Variants in MGAT5B observed in about 807,000 individuals in gnomAD.
MGAT5B encodes the protein alpha-1,6-mannosylglycoprotein 6-beta-N-acetylglucosaminyltransferase B, also known as N-acetylglucosaminyl-transferase Vb.
Under a neutral mutation model 95.1 loss-of-function variants are expected in MGAT5B, and 54 were observed. That is an observed-to-expected ratio of 0.57 (90% CI 0.46 to 0.71). The LOEUF is 0.71. MGAT5B is among the 30% of genes least tolerant of loss of function. The pLI, the probability that MGAT5B is intolerant of heterozygous loss-of-function variation, is 0.00. For synonymous variants in MGAT5B, 464 were observed against 451.0 expected (o/e 1.03, Z -0.36); for missense variants, 935 against 1,088.6 (o/e 0.86, Z 1.99).
Position 76,947,866 on chromosome 17 carries a change from GC to G in MGAT5B, c.1963del (p.His655ThrfsTer55). 6.3e-7 allele frequency: 1 copy of G among 1,594,650 alleles called. No individual in the cohort carries two copies. Among genetic ancestry groups the G allele is most frequent in the Admixed American group, 1.7e-5 (1 of 57,954 alleles). On this transcript the variant is annotated frameshift_variant, in exon 17 of 18. Coordinates refer to ENST00000569840, the MANE Select transcript of MGAT5B (RefSeq NM_001199172.2). LOFTEE classifies it high-confidence loss of function. ...AGCTCCAGACCCTGCCCTACCAGAGGCCCACGCCCCGCAGAGCCCCTTTGTC... is the reference window on the plus strand; with the variant it reads ...AGCTCCAGACCCTGCCCTACCAGAGGCCACGCCCCGCAGAGCCCCTTTGTC... ...CRAPDPALPE[A>X]HAPQSPFVLA... is the part of the protein sequence containing the mutation.
intron 10 of MGAT5B, 61 bp from the exon 11 acceptor site, chr17:76,932,584 A>C: frequency 6.3e-7 from 1 of 1,583,778 alleles, no homozygotes; most frequent in Non-Finnish European, 8.6e-7. Flanking sequence ...CAGTCCAGGG[A>C]GGCCTGGGGC....
rs915707886 is a variant in MGAT5B, at chr17:76,882,353, C to T, written c.329+55C>T. 4 of 1,545,556 alleles carry T rather than the reference C, an allele frequency of 2.6e-6. No individual in the cohort carries two copies. The African/African-American group carries it at 4.0e-5, about 16-fold the overall frequency. On this transcript the variant is annotated intron_variant, in intron 3 of 17. Coordinates refer to ENST00000569840, the MANE Select transcript of MGAT5B (RefSeq NM_001199172.2). ...AGCAGGGGAGCGGTGGCACCTGCCA[C>T]TCCATCCGGGGTGCTGTCCGTCATC... is the stretch of plus-strand genomic sequence containing the variant.
rs1969840989 is a variant in MGAT5B, at chr17:76,940,780, G to A, written c.1780G>A (p.Val594Met). Reference sequence around the variant, plus strand: ...GGAGAACTTCATCGGCAAGCCCCACGTGTGGACAGTCGACTACAACAACTC... The same window carrying A: ...GGAGAACTTCATCGGCAAGCCCCACATGTGGACAGTCGACTACAACAACTC... The part of the protein sequence containing the change: ...YAENFIGKPH[V>M]WTVDYNNSEE... The change falls in exon 15 of 18, where the codon GTG becomes ATG. Residue 594 changes from valine (V) to methionine (M), a missense_variant. Coordinates refer to ENST00000569840, the MANE Select transcript of MGAT5B (RefSeq NM_001199172.2). The surrounding 1 kb of genome is among the most constrained non-coding windows in gnomAD (Gnocchi z 4.3). 2 of 1,614,138 alleles carry A rather than the reference G, an allele frequency of 1.2e-6. No homozygotes were observed. The highest frequency in any genetic ancestry group is 1.7e-6 in the Non-Finnish European group (2 of 1,180,038).
Position 76,906,307 on chromosome 17 carries a change from G to GC in MGAT5B, c.1025+120_1025+121insC. 1.2e-6 allele frequency: 1 copy of GC among 849,814 alleles called. No homozygotes were observed. The highest frequency in any genetic ancestry group is 1.7e-6 in the Non-Finnish European group (1 of 572,088). The allele number at this position is 849,814 out of a possible 1,614,324, so 52.6% of individuals were successfully genotyped here. ...CTCTGCCTGCAGGTCCCACGGCCCT[G>GC]AGACCCTGGGAGACATCCTGGTGTT... On this transcript the variant is annotated intron_variant, in intron 8 of 17. Coordinates refer to ENST00000569840, the MANE Select transcript of MGAT5B (RefSeq NM_001199172.2). This position sits in a 1 kb window ranked among gnomAD's most constrained non-coding sequence, Gnocchi z 4.6.
At chr17:76,924,825 C>A in intron 8 of MGAT5B, 141 bp from the exon 9 acceptor site, 3 of 1,074,074 alleles carry the variant, frequency 2.8e-6, no homozygotes, top group South Asian at 1.4e-5. Context: ...CCGTACAGGG[C>A]CATCCTGCTC....
At chr17:76,911,911 G>A (rs558279963) in intron 8 of MGAT5B, among the ~76,000 whole-genome samples, 4 of 152,252 alleles carry the variant, frequency 2.6e-5, no homozygotes, top group Middle Eastern at 3.4e-3. Context: ...CCAGGTTTTG[G>A]CAGGGCAGGG....
rs1305056069 is a variant in MGAT5B at position 76,932,617 on chromosome 17, C to G, written c.1292-28C>G. 5 of 1,612,444 alleles carry G rather than the reference C, an allele frequency of 3.1e-6. No homozygotes were observed. In the Admixed American group the frequency reaches 8.3e-5, roughly 27 times the overall value. On this transcript the variant is annotated intron_variant, in intron 10 of 17. Transcript: ENST00000569840. ...GGCTGCCCTTGGTTGTTTGGTGACCCCATTCCTTCTGCGTGCTCGGGCTGC... is the reference window on the plus strand; with the variant it reads ...GGCTGCCCTTGGTTGTTTGGTGACCGCATTCCTTCTGCGTGCTCGGGCTGC...
intron 12 of MGAT5B, among the ~76,000 whole-genome samples, chr17:76,935,928 AT>A (rs1969653701): frequency 7.1e-6 from 1 of 140,136 alleles, no homozygotes; most frequent in Admixed American, 7.8e-5. Context: ...ATATTATATA[AT>A]TATATATACT....
At chr17:76,934,205 T>C (rs903190647) in intron 12 of MGAT5B, among the ~76,000 whole-genome samples, 2 of 152,210 alleles carry the variant, frequency 1.3e-5, no homozygotes, top group Non-Finnish European at 2.9e-5. Context: ...TGCCAGGCAT[T>C]GTGCTAAGGG....
At chr17:76,921,453 C>T (rs1357927804) in intron 8 of MGAT5B, among the ~76,000 whole-genome samples, 1 of 152,170 alleles carries the variant, frequency 6.6e-6, no homozygotes, top group African/African-American at 2.4e-5. Flanking sequence ...CAGGGGGCCC[C>T]TTTTCCTGCC....
rs8081793 is a variant in MGAT5B at position 76,940,494 on chromosome 17, G to C, written c.1677G>C (p.Pro559=). The change falls in exon 14 of 18, where the codon CCG becomes CCC. Residue 559 remains proline, a synonymous_variant. Coordinates refer to ENST00000569840, the MANE Select transcript of MGAT5B (RefSeq NM_001199172.2). The surrounding 1 kb of genome is among the most constrained non-coding windows in gnomAD (Gnocchi z 4.3). ...TCTTCCTGCAGTCCCGCTTCAGCCCGCCCCACAGCTCCCTCAACCACGAGT... is the reference window on the plus strand; with the variant it reads ...TCTTCCTGCAGTCCCGCTTCAGCCCCCCCCACAGCTCCCTCAACCACGAGT... ...GCIFLQSRFS[P]PHSSLNHEFF... The C allele has an allele frequency of 6.2e-7, 1 of 1,613,404 alleles. No homozygotes were observed.
At chr17:76,895,266 A>G (rs1968025943) in intron 3 of MGAT5B, among the ~76,000 whole-genome samples, 1 of 151,994 alleles carries the variant, frequency 6.6e-6, no homozygotes, top group African/African-American at 2.4e-5. Flanking sequence ...ATCTAGTTGC[A>G]GGAAAATGAG....
intron 3 of MGAT5B, among the ~76,000 whole-genome samples, chr17:76,898,907 G>A (rs596154): frequency 0.14 from 20,575 of 152,208 alleles, 1,834 homozygotes; most frequent in African/African-American, 0.23. Context: ...GGAGCCCCGA[G>A]CACAGGGCCC....
At position 76,938,466 on chromosome 17, in the gene MGAT5B, C is replaced by G. The variant is rs1388729583; in HGVS notation, c.1584+323C>G. Among the ~76,000 whole-genome samples, 1 of 152,190 alleles carries G rather than the reference C, an allele frequency of 6.6e-6. No individual in the cohort carries two copies. Among genetic ancestry groups the G allele is most frequent in the African/African-American group, 2.4e-5 (1 of 41,440 alleles). On this transcript the variant is annotated intron_variant, in intron 13 of 17. Coordinates refer to ENST00000569840, the MANE Select transcript of MGAT5B (RefSeq NM_001199172.2). The surrounding 1 kb of genome is among the most constrained non-coding windows in gnomAD (Gnocchi z 4.3). ...AGCCAAATGGACTCCTGGGTCAGGC[C>G]TAGCTTTTGGAGACACTGAGCTGGG...
rs931424259 is a variant in MGAT5B at position 76,915,796 on chromosome 17, C to CT, written c.1026-9165dup. Among the ~76,000 whole-genome samples the CT allele has an allele frequency of 1.3e-5, 2 of 152,320 alleles. No homozygotes were observed. Among genetic ancestry groups the CT allele is most frequent in the Admixed American group, 1.3e-4 (2 of 15,302 alleles). On this transcript the variant is annotated intron_variant, in intron 8 of 17. Transcript: ENST00000569840. The surrounding 1 kb of genome is among the most constrained non-coding windows in gnomAD (Gnocchi z 8.7). ...AAATCCCCGGCCCCTCTCCTGTCTCCTTTTTCCTTCCCCTTCCTTCAGTTT... is the reference window on the plus strand; with the variant it reads ...AAATCCCCGGCCCCTCTCCTGTCTCCTTTTTTCCTTCCCCTTCCTTCAGTTT...
At chr17:76,929,410 C>T (rs948544922) in intron 10 of MGAT5B, among the ~76,000 whole-genome samples, 6 of 152,222 alleles carry the variant, frequency 3.9e-5, no homozygotes, top group African/African-American at 1.4e-4. Flanking sequence ...TTTCACTGAT[C>T]CCCTCATCTC....
In MGAT5B at chr17:76,949,192, C is replaced by CT. The variant is rs919941139; in HGVS notation, c.*354_*355insT. 7.4e-6 allele frequency: 2 copies of CT among 271,778 alleles called. No homozygotes were observed. The highest frequency in any genetic ancestry group is 1.4e-5 in the Non-Finnish European group (2 of 142,420). 16.8% of individuals were successfully genotyped at this position (271,778 alleles called of 1,614,324 possible). A position where few individuals can be genotyped will look rare whatever the true frequency, so the allele number is the denominator to read the frequency against. On this transcript the variant is annotated 3_prime_UTR_variant, in exon 18 of 18. Transcript: ENST00000569840. Reference sequence around the variant, plus strand: ...TCTGGGCCAGGTGGCGAAAGGGGCCCAGTCGTTCTTGGGCCCAGGATGGGG... The same window carrying CT: ...TCTGGGCCAGGTGGCGAAAGGGGCCCTAGTCGTTCTTGGGCCCAGGATGGGG...
In MGAT5B at chr17:76,898,391, C is replaced by T. The variant is rs532425034; in HGVS notation, c.330-4164C>T. Reference sequence around the variant, plus strand: ...GTCACCAGGCTGGAGTGCAGTGACGCGATCTCGGCTCACTGCAACCTCTGC... The same window carrying T: ...GTCACCAGGCTGGAGTGCAGTGACGTGATCTCGGCTCACTGCAACCTCTGC... On this transcript the variant is annotated intron_variant, in intron 3 of 17. Coordinates refer to ENST00000569840, the MANE Select transcript of MGAT5B (RefSeq NM_001199172.2). 4.7e-5 allele frequency among the ~76,000 whole-genome samples: 7 copies of T among 148,354 alleles called. No homozygotes were observed. The South Asian group carries it at 1.3e-3, about 27-fold the overall frequency.
At chr17:76,948,151 A>C in intron 17 of MGAT5B, 65 bp downstream of exon 17, 2 of 1,521,184 alleles carry the variant, frequency 1.3e-6, no homozygotes, top group Non-Finnish European at 1.8e-6. Context: ...GTTCACTGAG[A>C]GCTCTCATGC....
Sources: gnomAD v4.1 joint callset for allele counts (sites outside exome capture counted in the v4.1 genomes callset) on GRCh38, gnomAD v4.1.1 for gene constraint, Gnocchi (gnomAD v3.1) non-coding constraint, MANE v1.5 for transcripts, NCBI Gene and HGNC (gene_info 2026-07-23, HGNC 2026-07-21) for gene names.